Variants in EPHA5 observed in about 807,000 individuals in gnomAD.
EPHA5 encodes EPH receptor A5, also known as ephrin type-A receptor 5.
Under a neutral mutation model 105.0 loss-of-function variants are expected in EPHA5, and 60 were observed. That is an observed-to-expected ratio of 0.57 (90% CI 0.46 to 0.71). EPHA5 has a LOEUF of 0.71. Ranked by LOEUF, EPHA5 falls within the 30% of genes least tolerant of loss-of-function variation. The pLI, the probability that EPHA5 is intolerant of heterozygous loss-of-function variation, is 0.00. For missense variants in EPHA5, 1,218 were observed against 1,274.7 expected, an observed-to-expected ratio of 0.96 and a Z score of 0.68; for synonymous variants, 513 against 449.1, an observed-to-expected ratio of 1.14 and a Z score of -1.80.
At chr4:65,358,971 T>C (rs79973132) in intron 11 of EPHA5, among the ~76,000 whole-genome samples, 1,785 of 151,710 alleles carry the variant, frequency 0.012, 46 homozygotes, top group African/African-American at 0.04. Flanking sequence ...GTTAATACAG[T>C]AATTATGGAG....
chr4:65,405,866 A>G (rs1438277978), intron 7 of EPHA5, among the ~76,000 whole-genome samples: 2 of 151,878 alleles, frequency 1.3e-5, no homozygotes, highest in African/African-American at 4.8e-5. Context: ...CTCTAAACTC[A>G]TATTATTTCT....
intron 7 of EPHA5, among the ~76,000 whole-genome samples, chr4:65,410,756 T>C (rs930100292): frequency 4.7e-4 from 72 of 152,304 alleles, no homozygotes; most frequent in African/African-American, 1.7e-3. Flanking sequence ...TCCACAATTA[T>C]CTCAATACAA....
intron 11 of EPHA5, among the ~76,000 whole-genome samples, chr4:65,359,474 A>G (rs752291705): frequency 2.0e-5 from 3 of 151,648 alleles, no homozygotes; most frequent in African/African-American, 2.4e-5. Flanking sequence ...GGTATCTCCA[A>G]TTTAACATGT....
At chr4:65,519,904 C>T (rs1031035138) in intron 3 of EPHA5, among the ~76,000 whole-genome samples, 3 of 152,154 alleles carry the variant, frequency 2.0e-5, no homozygotes, top group Non-Finnish European at 4.4e-5. Context: ...AAGAACATTC[C>T]ATGCTCATGG....
chr4:65,389,907 G>A (rs1355137249), intron 8 of EPHA5, among the ~76,000 whole-genome samples: 1 of 151,942 alleles, frequency 6.6e-6, no homozygotes, highest in Non-Finnish European at 1.5e-5. Context: ...CCACAGGGAG[G>A]TCAAACCTTG....
At chr4:65,601,311 A>C (rs1023416191) in intron 3 of EPHA5, among the ~76,000 whole-genome samples, 1 of 152,222 alleles carries the variant, frequency 6.6e-6, no homozygotes, top group Non-Finnish European at 1.5e-5. Context: ...TAGATGTAGC[A>C]GACAATAATT....
rs766129419 is a variant in EPHA5, at chr4:65,420,569, C to G, written c.1403-4G>C. ...ACATTGGTGACTGGAGATGGAGCTG[C>G]AAAATAGTTTAAATAAGGAGCAGTA... is the stretch of plus-strand genomic sequence containing the variant. On this transcript the variant is annotated splice_polypyrimidine_tract_variant and splice_region_variant and intron_variant, in intron 5 of 16. Coordinates refer to ENST00000613740, the MANE Select transcript of EPHA5 (RefSeq NM_001281766.3). 1 of 1,611,226 alleles carries G rather than the reference C, an allele frequency of 6.2e-7. No homozygotes were observed. Among genetic ancestry groups the G allele is most frequent in the Non-Finnish European group, 8.5e-7 (1 of 1,178,816 alleles).
intron 3 of EPHA5, among the ~76,000 whole-genome samples, chr4:65,499,303 C>T (rs1055665430): frequency 2.0e-5 from 3 of 151,526 alleles, no homozygotes; most frequent in Admixed American, 6.6e-5. Context: ...TTAGGAACCC[C>T]CACTCTGCTC....
At chr4:65,335,901 T>G (rs1236421318) in intron 15 of EPHA5, 31 bp downstream of exon 15, 1 of 1,557,128 alleles carries the variant, frequency 6.4e-7, no homozygotes, top group Admixed American at 1.9e-5. Flanking sequence ...TTAGCTACAT[T>G]CTGGAAAATC....
At chr4:65,370,262 A>G (rs914705942) in intron 8 of EPHA5, among the ~76,000 whole-genome samples, 3 of 152,170 alleles carry the variant, frequency 2.0e-5, no homozygotes, top group Non-Finnish European at 4.4e-5. Context: ...TTTGTCTTTC[A>G]AGCTAAGTTT....
intron 3 of EPHA5, among the ~76,000 whole-genome samples, chr4:65,550,060 A>AC (rs1476863430): frequency 6.6e-6 from 1 of 152,042 alleles, no homozygotes; most frequent in African/African-American, 2.4e-5. Flanking sequence ...TTTGAAACAC[A>AC]CCCACAAAAA....
chr4:65,520,265 C>T (rs1385274314), intron 3 of EPHA5, among the ~76,000 whole-genome samples: 2 of 152,206 alleles, frequency 1.3e-5, no homozygotes, highest in South Asian at 4.1e-4. Context: ...CTGACAAAAA[C>T]AAGCAATGGG....
At chr4:65,462,393 G>C (rs1728212280) in intron 5 of EPHA5, among the ~76,000 whole-genome samples, 1 of 152,126 alleles carries the variant, frequency 6.6e-6, no homozygotes, top group Non-Finnish European at 1.5e-5. Context: ...TAATGAAACT[G>C]CTCCCAAATT....
chr4:65,405,529 C>T (rs899248082), intron 7 of EPHA5, among the ~76,000 whole-genome samples: 9 of 152,164 alleles, frequency 5.9e-5, no homozygotes, highest in African/African-American at 2.2e-4. Flanking sequence ...ATTTTAGTCA[C>T]ATTGTTCTTG....
intron 3 of EPHA5, among the ~76,000 whole-genome samples, chr4:65,495,757 A>G (rs919765385): frequency 6.6e-6 from 1 of 152,216 alleles, no homozygotes; most frequent in African/African-American, 2.4e-5. Context: ...ACATTTATGG[A>G]ATGTACATAC....
At chr4:65,653,653 C>A (rs1404201110) in intron 1 of EPHA5, among the ~76,000 whole-genome samples, 1 of 151,916 alleles carries the variant, frequency 6.6e-6, no homozygotes, top group Non-Finnish European at 1.5e-5. Context: ...TAGCCTAGTA[C>A]ATATAATCGA....
chr4:65,594,486 GT>G (rs1485062782), intron 3 of EPHA5, among the ~76,000 whole-genome samples: 1 of 152,104 alleles, frequency 6.6e-6, no homozygotes, highest in Non-Finnish European at 1.5e-5. Flanking sequence ...TACTGTTACT[GT>G]AAAGATGAGG....
At chr4:65,367,692 A>AT (rs1560460707) in intron 8 of EPHA5, among the ~76,000 whole-genome samples, 1 of 152,040 alleles carries the variant, frequency 6.6e-6, no homozygotes. Context: ...CAAATACTGT[A>AT]TACCAGACAT....
intron 1 of EPHA5, among the ~76,000 whole-genome samples, chr4:65,657,243 A>T (rs1006360881): frequency 2.0e-5 from 3 of 152,180 alleles, no homozygotes; most frequent in African/African-American, 7.2e-5. Context: ...CCCCCCAAGA[A>T]ATTTAAACCA....
Sources: allele counts gnomAD v4.1 joint callset (sites outside exome capture counted in the v4.1 genomes callset), GRCh38; gene constraint gnomAD v4.1.1; transcripts MANE v1.5; gene names NCBI Gene and HGNC (gene_info 2026-07-23, HGNC 2026-07-21).